The following ZNF554 variants were observed in gnomAD, a reference collection of about 807,000 sequenced individuals.
ZNF554 encodes the protein zinc finger protein 554.
In ZNF554, 15 loss-of-function variants were observed where a neutral mutation model predicts 21.2. The ratio of observed to expected loss-of-function variants is 0.71; its 90% CI spans 0.47 to 1.09. The LOEUF is 1.09. Ranked by LOEUF, ZNF554 falls within the 50% of genes least tolerant of loss-of-function variation. The pLI, the probability that ZNF554 is intolerant of heterozygous loss-of-function variation, is 0.00. For synonymous variants in ZNF554, 258 were observed against 251.4 expected (o/e 1.03, Z -0.25); for missense variants, 691 against 662.7 (o/e 1.04, Z -0.47).
At chr19:2,832,026 A>G in intron 3 of ZNF554, 2 of 226,286 alleles carry the variant, frequency 8.8e-6, no homozygotes, top group Non-Finnish European at 1.7e-5. Context: ...CCTGGGTTCA[A>G]GTGATTCTCC....
intron 3 of ZNF554, 125 bp from the exon 4 acceptor site, chr19:2,832,178 G>T: frequency 2.3e-6 from 2 of 881,610 alleles, no homozygotes; most frequent in Non-Finnish European, 1.7e-6. Context: ...CGCCTGCCTC[G>T]GCCTCCCAAA....
Position 2,836,225 on chromosome 19 carries a change from T to TGTGAGCCACCGTGCTGGGATTACGGGC in ZNF554, c.*1383_*1409dup, listed in dbSNP as rs2087495225. On this transcript the variant is annotated 3_prime_UTR_variant, in exon 5 of 5. Coordinates refer to ENST00000317243, the MANE Select transcript of ZNF554 (RefSeq NM_001102651.2). ...TGAGCCACCGTGCTGGTATTACGGGTGTGAGCCACCGTGCTGGGATTACGG... is the reference window on the plus strand; with the variant it reads ...TGAGCCACCGTGCTGGTATTACGGGTGTGAGCCACCGTGCTGGGATTACGGGCGTGAGCCACCGTGCTGGGATTACGG... 1.3e-5 allele frequency among the ~76,000 whole-genome samples: 2 copies of TGTGAGCCACCGTGCTGGGATTACGGGC among 148,338 alleles called. No homozygotes were observed. Among genetic ancestry groups the TGTGAGCCACCGTGCTGGGATTACGGGC allele is most frequent in the African/African-American group, 2.5e-5 (1 of 40,246 alleles).
rs1568337987 is a variant in ZNF554 at position 2,834,785 on chromosome 19, A to AG, written c.1551dup (p.Lys518GlufsTer4). ...ACACATCAGAAAACTCACAGCAGCC[A>AG]GAAAACCTATAAAATCATTGACTGT... On this transcript the variant is annotated frameshift_variant, in exon 5 of 5. Coordinates refer to ENST00000317243, the MANE Select transcript of ZNF554 (RefSeq NM_001102651.2). LOFTEE classifies it low-confidence loss of function (END_TRUNC). 1 of 1,612,606 alleles carries AG rather than the reference A, an allele frequency of 6.2e-7. No individual in the cohort carries two copies. The highest frequency in any genetic ancestry group is 8.5e-7 in the Non-Finnish European group (1 of 1,178,894).
intron 1 of ZNF554, among the ~76,000 whole-genome samples, chr19:2,820,465 G>A (rs1393106736): frequency 1.3e-5 from 2 of 152,196 alleles, no homozygotes; most frequent in Non-Finnish European, 2.9e-5. Flanking sequence ...AGCGAGGGGC[G>A]GTCCTGCCCT....
chr19:2,820,233 A>T, intron 1 of ZNF554, 109 bp downstream of exon 1: 1 of 1,040,740 alleles, frequency 9.6e-7, no homozygotes, highest in Non-Finnish European at 1.2e-6. Flanking sequence ...CTGTCGCGAT[A>T]GGGTCCCCAC....
chr19:2,835,020 G>A lies in ZNF554; in HGVS notation c.*168G>A. 1.5e-6 allele frequency: 1 copy of A among 668,656 alleles called. No individual in the cohort carries two copies. The highest frequency in any genetic ancestry group is 3.0e-5 in the Admixed American group (1 of 32,892). 41.4% of individuals were successfully genotyped at this position (668,656 alleles called of 1,614,324 possible). On this transcript the variant is annotated 3_prime_UTR_variant, in exon 5 of 5. Transcript: ENST00000317243. ...GGCATTTTTGTATTTTGTTGTTGTT[G>A]TTGAGATGGAGTCTGCCACCCAGGC...
intron 2 of ZNF554, among the ~76,000 whole-genome samples, chr19:2,827,172 T>C (rs1224730766): frequency 6.6e-6 from 1 of 152,346 alleles, no homozygotes; most frequent in South Asian, 2.1e-4. Flanking sequence ...CAACACACTT[T>C]GGATAAAATT....
At position 2,821,871 on chromosome 19, in the gene ZNF554, G is replaced by C. The variant is rs990412518; in HGVS notation, c.54-1169G>C. Among the ~76,000 whole-genome samples, 3 of 151,766 alleles carry C rather than the reference G, an allele frequency of 2.0e-5. No homozygotes were observed. The highest frequency in any genetic ancestry group is 4.8e-5 in the African/African-American group (2 of 41,256). ...TAGAGACGGGGGTTTTGCCATGTTG[G>C]CCAGGCTGGTCTCGAACTCCTGACC... On this transcript the variant is annotated intron_variant, in intron 1 of 4. Transcript: ENST00000317243. The surrounding 1 kb of genome is among the most constrained non-coding windows in gnomAD (Gnocchi z 8.2).
At chr19:2,823,015 C>T (rs764254687) in intron 1 of ZNF554, 25 bp from the exon 2 acceptor site, 4 of 1,609,642 alleles carry the variant, frequency 2.5e-6, no homozygotes, top group East Asian at 2.2e-5. Flanking sequence ...ATCTGGTATT[C>T]GCAGCGCCTT....
intron 3 of ZNF554, chr19:2,831,393 C>T (rs1267752929): frequency 6.6e-6 from 1 of 151,308 alleles, no homozygotes; most frequent in East Asian, 1.9e-4. Flanking sequence ...CTCCCGAGTT[C>T]ATGTCATTCT....
chr19:2,828,284 C>T (rs558093678), intron 3 of ZNF554, among the ~76,000 whole-genome samples: 34 of 152,268 alleles, frequency 2.2e-4, no homozygotes, highest in Admixed American at 2.2e-3. Context: ...TTGTTCAGTA[C>T]GTGATAGCTG....
rs1338824746 is a variant in ZNF554, at chr19:2,835,369, G to T, written c.*517G>T. 1.3e-5 allele frequency: 2 copies of T among 153,854 alleles called. No individual in the cohort carries two copies. The highest frequency in any genetic ancestry group is 3.8e-4 in the East Asian group (2 of 5,208). The allele number at this position is 153,854 out of a possible 1,614,324, so 9.5% of individuals were successfully genotyped here. ...CGCCTGTAGTCCCAACTACTCAGGA[G>T]GCTGAGGCAGGAGAATGGTGTGAAC... is the stretch of plus-strand genomic sequence containing the variant. On this transcript the variant is annotated 3_prime_UTR_variant, in exon 5 of 5. Coordinates refer to ENST00000317243, the MANE Select transcript of ZNF554 (RefSeq NM_001102651.2).
chr19:2,828,677 G>GAA (rs35070771), intron 3 of ZNF554, among the ~76,000 whole-genome samples: 3 of 140,096 alleles, frequency 2.1e-5, no homozygotes, highest in Admixed American at 7.1e-5. Context: ...TCCGTCTCAA[G>GAA]AAAAAAAAAA....
chr19:2,830,214 C>T (rs2144817177), intron 3 of ZNF554, among the ~76,000 whole-genome samples: 1 of 152,308 alleles, frequency 6.6e-6, no homozygotes, highest in Admixed American at 6.5e-5. Context: ...GGATTACAGG[C>T]AGGAGTCACC....
rs1345004853 is a variant in ZNF554 at position 2,833,674 on chromosome 19, A to G, written c.446-7A>G. 4 of 1,511,690 alleles carry G rather than the reference A, an allele frequency of 2.6e-6. No homozygotes were observed. The highest frequency in any genetic ancestry group is 2.3e-5 in the East Asian group (1 of 43,850). 93.6% of individuals were successfully genotyped at this position (1,511,690 alleles called of 1,614,324 possible). A position where few individuals can be genotyped will look rare whatever the true frequency, so the allele number is the denominator to read the frequency against. On this transcript the variant is annotated splice_region_variant and splice_polypyrimidine_tract_variant and intron_variant, in intron 4 of 4. Coordinates refer to ENST00000317243, the MANE Select transcript of ZNF554 (RefSeq NM_001102651.2). ...AAAAAAATGGTTTCCGCCTCAATTT[A>G]TTTCAGATTGGATGACTGTACTAAG... is the stretch of plus-strand genomic sequence containing the variant.
intron 3 of ZNF554, among the ~76,000 whole-genome samples, chr19:2,828,097 G>C (rs969828520): frequency 2.6e-5 from 4 of 152,132 alleles, no homozygotes; most frequent in African/African-American, 9.7e-5. Flanking sequence ...TTGACGTCGG[G>C]ATTATTACAA....
At chr19:2,823,133 CA>C in intron 2 of ZNF554, 21 bp downstream of exon 2, 1 of 1,607,716 alleles carries the variant, frequency 6.2e-7, no homozygotes, top group South Asian at 1.1e-5. Context: ...CTCATTCTCC[CA>C]AAGGGCACCC....
chr19:2,833,819 AC>A lies in ZNF554; in HGVS notation c.589del (p.Gln197ArgfsTer4), dbSNP rs766857739. The A allele has an allele frequency of 1.2e-6, 2 of 1,612,332 alleles. No individual in the cohort carries two copies. The highest frequency in any genetic ancestry group is 1.7e-5 in the Admixed American group (1 of 59,650). On this transcript the variant is annotated frameshift_variant, in exon 5 of 5. Coordinates refer to ENST00000317243, the MANE Select transcript of ZNF554 (RefSeq NM_001102651.2). LOFTEE classifies it low-confidence loss of function (END_TRUNC). ...AAGCAGTTAGAGGACAGCCATGAAG[AC>A]CCCCAGGGGCTTTTGAGCCAAAAGG... Reference protein sequence around the residue: ...GWKQLEDSHEDPQGLLSQKAS... With the variant: ...GWKQLEDSHEXPQGLLSQKAS...
At chr19:2,831,001 A>G (rs894547478) in intron 3 of ZNF554, 2 of 152,094 alleles carry the variant, frequency 1.3e-5, no homozygotes, top group East Asian at 3.9e-4. Flanking sequence ...CATGACCTCT[A>G]GTGATCCACC....
Sources: gnomAD v4.1 joint callset for allele counts (sites outside exome capture counted in the v4.1 genomes callset) on GRCh38, gnomAD v4.1.1 for gene constraint, Gnocchi (gnomAD v3.1) non-coding constraint, MANE v1.5 for transcripts, NCBI Gene and HGNC (gene_info 2026-07-23, HGNC 2026-07-21) for gene names.